Variants in ACVR1C observed in about 807,000 individuals in gnomAD.
The protein encoded by ACVR1C is activin A receptor type 1C.
A neutral mutation model predicts 57.9 loss-of-function variants in ACVR1C; 23 were observed. The ratio of observed to expected loss-of-function variants is 0.40; its 90% CI spans 0.29 to 0.56. The LOEUF is 0.56. Ranked by LOEUF, ACVR1C falls within the 20% of genes least tolerant of loss-of-function variation. ACVR1C has a pLI of 0.50. For missense variants in ACVR1C, 480 were observed against 607.9 expected (o/e 0.79, Z 2.21); for synonymous variants, 214 against 215.3 (o/e 0.99, Z 0.05).
chr2:157,600,243 GTC>G (rs1316378196), intron 1 of ACVR1C, among the ~76,000 whole-genome samples: 3 of 152,198 alleles, frequency 2.0e-5, no homozygotes, highest in Non-Finnish European at 4.4e-5. Context: ...TGTGTTTTCA[GTC>G]TCTATTAAAG....
chr2:157,595,599 C>T (rs1226531086), intron 1 of ACVR1C, among the ~76,000 whole-genome samples: 2 of 152,194 alleles, frequency 1.3e-5, no homozygotes, highest in African/African-American at 4.8e-5. Flanking sequence ...AATCTATTGT[C>T]TCCTGCTTAG....
chr2:157,624,919 T>C (rs1682866316), intron 1 of ACVR1C, among the ~76,000 whole-genome samples: 1 of 152,226 alleles, frequency 6.6e-6, no homozygotes, highest in South Asian at 2.1e-4. Flanking sequence ...TTCCATGTCA[T>C]ACTTGTGACA....
chr2:157,597,934 C>T (rs1682177066), intron 1 of ACVR1C, among the ~76,000 whole-genome samples: 1 of 152,132 alleles, frequency 6.6e-6, no homozygotes, highest in Non-Finnish European at 1.5e-5. Context: ...AAAGATTCCA[C>T]CTATCCAAAT....
intron 7 of ACVR1C, 111 bp downstream of exon 7, chr2:157,540,979 A>G: frequency 7.6e-7 from 1 of 1,313,120 alleles, no homozygotes; most frequent in East Asian, 2.3e-5. Flanking sequence ...ATTCTCTTAA[A>G]TACTAAGAAA....
At chr2:157,597,020 G>A (rs894214579) in intron 1 of ACVR1C, among the ~76,000 whole-genome samples, 5 of 152,116 alleles carry the variant, frequency 3.3e-5, no homozygotes, top group Non-Finnish European at 7.4e-5. Context: ...ACGGGGCAGG[G>A]GCGGGAAGGT....
At chr2:157,610,744 CT>C (rs1002342456) in intron 1 of ACVR1C, among the ~76,000 whole-genome samples, 2 of 151,732 alleles carry the variant, frequency 1.3e-5, no homozygotes, top group Admixed American at 1.3e-4. Context: ...ATTATTTTAT[CT>C]TTGTTTTTGT....
chr2:157,603,391 A>G (rs1682323347), intron 1 of ACVR1C, among the ~76,000 whole-genome samples: 1 of 152,150 alleles, frequency 6.6e-6, no homozygotes, highest in South Asian at 2.1e-4. Context: ...ACTGTACTCA[A>G]CAAGGGGTAC....
chr2:157,589,646 C>A (rs572729393), intron 1 of ACVR1C, among the ~76,000 whole-genome samples: 1 of 151,860 alleles, frequency 6.6e-6, no homozygotes, highest in South Asian at 2.1e-4. Flanking sequence ...TATCAAAATA[C>A]AACATTTTTC....
intron 1 of ACVR1C, among the ~76,000 whole-genome samples, chr2:157,588,339 A>T (rs1688976964): frequency 6.6e-6 from 1 of 151,966 alleles, no homozygotes; most frequent in South Asian, 2.1e-4. Context: ...ATTCGTCAGC[A>T]TGAAGCGCCT....
intron 4 of ACVR1C, 145 bp downstream of exon 4, chr2:157,550,017 A>T: frequency 8.7e-6 from 6 of 693,246 alleles, no homozygotes; most frequent in Non-Finnish European, 1.4e-5. Flanking sequence ...AAAAAAAAAA[A>T]GAAAGAAAAG....
At chr2:157,599,176 T>A (rs1682214260) in intron 1 of ACVR1C, among the ~76,000 whole-genome samples, 1 of 151,030 alleles carries the variant, frequency 6.6e-6, no homozygotes, top group Non-Finnish European at 1.5e-5. Flanking sequence ...CCACTAAAAA[T>A]ACCAAAAATT....
At position 157,533,775 on chromosome 2, in the gene ACVR1C, T is replaced by C; in HGVS notation, c.*143A>G. Reference sequence around the variant, plus strand: ...CCCATGCTTAACTTTAGAGTTATCTTTTCATGCTGCCTTATGGGCACTTAA... The same window carrying C: ...CCCATGCTTAACTTTAGAGTTATCTCTTCATGCTGCCTTATGGGCACTTAA... On this transcript the variant is annotated 3_prime_UTR_variant, in exon 9 of 9. Transcript: ENST00000243349. 1.4e-6 allele frequency: 1 copy of C among 704,444 alleles called. No homozygotes were observed. The highest frequency in any genetic ancestry group is 2.0e-6 in the Non-Finnish European group (1 of 498,180). 43.6% of individuals were successfully genotyped at this position (704,444 alleles called of 1,614,324 possible).
At chr2:157,596,233 AATAG>A (rs545006231) in intron 1 of ACVR1C, among the ~76,000 whole-genome samples, 12 of 152,318 alleles carry the variant, frequency 7.9e-5, no homozygotes, top group African/African-American at 2.6e-4. Context: ...ATAGAATAGA[AATAG>A]ATATAGAAAT....
chr2:157,545,887 G>A (rs1344798383), intron 4 of ACVR1C, among the ~76,000 whole-genome samples: 1 of 152,028 alleles, frequency 6.6e-6, no homozygotes, highest in Non-Finnish European at 1.5e-5. Flanking sequence ...CAATTCTCCT[G>A]CCCCCACCTC....
rs755246975 is a variant in ACVR1C at position 157,628,687 on chromosome 2, G to C, written c.-43C>G. The C allele has an allele frequency of 9.4e-5, 140 of 1,487,464 alleles. No individual in the cohort carries two copies. Among genetic ancestry groups the C allele is most frequent in the Non-Finnish European group, 1.1e-4 (126 of 1,120,138 alleles). The allele number at this position is 1,487,464 out of a possible 1,614,324, so 92.1% of individuals were successfully genotyped here. On this transcript the variant is annotated 5_prime_UTR_variant, in exon 1 of 9. Coordinates refer to ENST00000243349, the MANE Select transcript of ACVR1C (RefSeq NM_145259.3). ...GCCGGGGCTGCGAGGCCCCAGAGCAGAGCGAGGCAGCCGGGGCAGCACGGC... is the reference window on the plus strand; with the variant it reads ...GCCGGGGCTGCGAGGCCCCAGAGCACAGCGAGGCAGCCGGGGCAGCACGGC...
At chr2:157,611,630 T>G (rs1682535665) in intron 1 of ACVR1C, among the ~76,000 whole-genome samples, 1 of 152,114 alleles carries the variant, frequency 6.6e-6, no homozygotes, top group Non-Finnish European at 1.5e-5. Context: ...CAGTGTGTGC[T>G]GGTGTTGGCA....
chr2:157,576,234 TCTCA>T (rs1341173495), intron 2 of ACVR1C, among the ~76,000 whole-genome samples: 1 of 121,816 alleles, frequency 8.2e-6, no homozygotes, highest in Admixed American at 1.1e-4. Context: ...GGCGACGGAG[TCTCA>T]CTCTGTCACC....
intron 2 of ACVR1C, among the ~76,000 whole-genome samples, chr2:157,558,207 A>C (rs541860744): frequency 2.2e-4 from 34 of 152,318 alleles, no homozygotes; most frequent in Admixed American, 9.8e-4. Context: ...GCCTCCCCAG[A>C]TGATTCTTCA....
Position 157,538,690 on chromosome 2 carries a change from C to T in ACVR1C, c.1239G>A (p.Glu413=), listed in dbSNP as rs1687545574. The change falls in exon 8 of 9, where the codon GAG becomes GAA. Residue 413 remains glutamate (E), a synonymous_variant. Transcript: ENST00000243349. Reference sequence around the variant, plus strand: ...CCATGTCATAATAAGGCAATTGGTACTCCTCAACAATTCCTGTAAGAAATT... The same window carrying T: ...CCATGTCATAATAAGGCAATTGGTATTCCTCAACAATTCCTGTAAGAAATT... The part of the protein sequence containing the change: ...RRCSVGGIVE[E]YQLPYYDMVP... 9 of 1,499,882 alleles carry T rather than the reference C, an allele frequency of 6.0e-6. No homozygotes were observed. Among genetic ancestry groups the T allele is most frequent in the Admixed American group, 2.3e-5 (1 of 43,370 alleles). The allele number at this position is 1,499,882 out of a possible 1,614,324, so 92.9% of individuals were successfully genotyped here. A position where few individuals can be genotyped will look rare whatever the true frequency, so the allele number is the denominator to read the frequency against.
Sources: allele counts gnomAD v4.1 joint callset (sites outside exome capture counted in the v4.1 genomes callset), GRCh38; gene constraint gnomAD v4.1.1; transcripts MANE v1.5; gene names NCBI Gene and HGNC (gene_info 2026-07-23, HGNC 2026-07-21).